ARMC2: variants seen among roughly 807,000 people sequenced by gnomAD.
The protein encoded by ARMC2 is armadillo repeat-containing protein 2.
Under a neutral mutation model 90.3 loss-of-function variants are expected in ARMC2, and 67 were observed. The observed-to-expected ratio is 0.74, with a 90% confidence interval of 0.61 to 0.91. The LOEUF is 0.91. ARMC2 is among the 40% of genes least tolerant of loss of function. The pLI, the probability that ARMC2 is intolerant of heterozygous loss-of-function variation, is 0.00. For synonymous variants in ARMC2, 393 were observed against 393.0 expected (o/e 1.00, Z 0.00); for missense variants, 920 against 1,030.9 (o/e 0.89, Z 1.47).
intron 5 of ARMC2, among the ~76,000 whole-genome samples, chr6:108,882,332 G>A (rs777641637): frequency 2.6e-5 from 4 of 151,740 alleles, no homozygotes; most frequent in Non-Finnish European, 4.4e-5. Context: ...CCAGCTACTC[G>A]GGAGGTTGAG....
chr6:108,939,019 A>G (rs909767342), intron 12 of ARMC2, among the ~76,000 whole-genome samples: 2 of 152,026 alleles, frequency 1.3e-5, no homozygotes, highest in Non-Finnish European at 2.9e-5. Context: ...AGGTCTCACT[A>G]TGTTGCCCAG....
the ARMC2 span, chr6:108,998,489 A>G: frequency 3.1e-6 from 5 of 1,611,856 alleles, no homozygotes; most frequent in Non-Finnish European, 4.2e-6. Flanking sequence ...GTTTTATGAC[A>G]ATCTCATGAC....
At chr6:109,001,494 T>TA in the ARMC2 span, 13 of 1,607,722 alleles carry the variant, frequency 8.1e-6, no homozygotes, top group Non-Finnish European at 9.4e-6. Context: ...AGGATCTGTA[T>TA]AAATGAGAAA....
rs534587047 is a variant in ARMC2 at position 108,918,725 on chromosome 6, C to T, written c.1350+6167C>T. On this transcript the variant is annotated intron_variant, in intron 10 of 17. Transcript: ENST00000392644. ...TGAGCCCACTTTACCCTCTGAGCCT[C>T]AGTTTCCTGTCTCTAAAGTGCTGAC... Among the ~76,000 whole-genome samples, 13 of 152,326 alleles carry T rather than the reference C, an allele frequency of 8.5e-5. No homozygotes were observed. The South Asian group carries it at 2.5e-3, about 29-fold the overall frequency.
At chr6:108,965,998 T>C (rs1778342100) in intron 17 of ARMC2, among the ~76,000 whole-genome samples, 1 of 150,066 alleles carries the variant, frequency 6.7e-6, no homozygotes, top group South Asian at 2.2e-4. Flanking sequence ...TTTAGGATAA[T>C]TTTTTTCTTC....
chr6:108,937,900 G>A (rs1776089330), intron 12 of ARMC2, among the ~76,000 whole-genome samples: 1 of 151,850 alleles, frequency 6.6e-6, no homozygotes, highest in South Asian at 2.1e-4. Context: ...GTTTCACCGT[G>A]TTAGCCAGGA....
intron 12 of ARMC2, among the ~76,000 whole-genome samples, chr6:108,946,896 A>G (rs1776844504): frequency 6.6e-6 from 1 of 152,130 alleles, no homozygotes; most frequent in South Asian, 2.1e-4. Context: ...AGGGTGTGGG[A>G]GTCGGGGAGG....
At chr6:108,862,681 G>GAT (rs1336937331) in intron 3 of ARMC2, among the ~76,000 whole-genome samples, 1 of 152,134 alleles carries the variant, frequency 6.6e-6, no homozygotes, top group Non-Finnish European at 1.5e-5. Flanking sequence ...GAGAGAAGGA[G>GAT]ATAACTGGAG....
At chr6:109,021,278 G>T in the ARMC2 span, among the ~76,000 whole-genome samples, 2 of 152,070 alleles carry the variant, frequency 1.3e-5, no homozygotes, top group African/African-American at 4.8e-5. Flanking sequence ...CCACCTTGCC[G>T]AGCCCACCAT....
chr6:108,938,599 C>CTTTTTTTTTTTTTTTTT (rs4027582), intron 12 of ARMC2, among the ~76,000 whole-genome samples: 1 of 83,104 alleles, frequency 1.2e-5, no homozygotes, highest in African/African-American at 4.5e-5. Context: ...CCATTACTAC[C>CTTTTTTTTTTTTTTTTT]TTTTTTTTTT....
At chr6:108,988,698 A>G in the ARMC2 span, 17 of 1,584,916 alleles carry the variant, frequency 1.1e-5, no homozygotes, top group South Asian at 1.8e-4. Flanking sequence ...CTGTTGAAAG[A>G]CATAATGAGA....
chr6:109,002,439 G>C, the ARMC2 span: 2 of 918,480 alleles, frequency 2.2e-6, no homozygotes, highest in Non-Finnish European at 3.5e-6. Context: ...GTCGAACAGA[G>C]ACAGGCTTGT....
intron 1 of ARMC2, 48 bp from the exon 2 acceptor site, chr6:108,854,177 A>G (rs2128414478): frequency 9.8e-7 from 1 of 1,016,988 alleles, no homozygotes; most frequent in Non-Finnish European, 1.4e-6. Context: ...TCGTTTTTAT[A>G]AAGTCCTGGA....
At chr6:108,996,326 A>G in the ARMC2 span, among the ~76,000 whole-genome samples, 1 of 152,196 alleles carries the variant, frequency 6.6e-6, no homozygotes, top group East Asian at 1.9e-4. Context: ...TGTTTCTATG[A>G]CGATACTGAA....
At chr6:108,900,631 T>C (rs190766296) in intron 7 of ARMC2, among the ~76,000 whole-genome samples, 1 of 152,266 alleles carries the variant, frequency 6.6e-6, no homozygotes, top group East Asian at 1.9e-4. Flanking sequence ...GCAAAAGACC[T>C]GATTACTGAA....
intron 13 of ARMC2, among the ~76,000 whole-genome samples, chr6:108,955,903 G>A (rs1273371782): frequency 6.6e-6 from 1 of 152,184 alleles, no homozygotes; most frequent in Non-Finnish European, 1.5e-5. Context: ...AATCAGCTGT[G>A]GGACTCTTTA....
chr6:108,921,744 C>T (rs1183204711), intron 10 of ARMC2, among the ~76,000 whole-genome samples: 1 of 152,174 alleles, frequency 6.6e-6, no homozygotes, highest in African/African-American at 2.4e-5. Flanking sequence ...TGGCTTTAGT[C>T]ATAAATCATT....
chr6:109,011,642 T>G, the ARMC2 span, among the ~76,000 whole-genome samples: 1 of 151,294 alleles, frequency 6.6e-6, no homozygotes, highest in Non-Finnish European at 1.5e-5. Context: ...CTTTTTTTTT[T>G]TTTTTGAGAC....
chr6:109,011,234 T>A, the ARMC2 span, among the ~76,000 whole-genome samples: 2 of 152,260 alleles, frequency 1.3e-5, no homozygotes, highest in South Asian at 4.1e-4. Flanking sequence ...GCTAACTGCA[T>A]GCATATAGTA....
Sources: gnomAD v4.1 joint callset for allele counts (sites outside exome capture counted in the v4.1 genomes callset) on GRCh38, gnomAD v4.1.1 for gene constraint, MANE v1.5 for transcripts, NCBI Gene and HGNC (gene_info 2026-07-23, HGNC 2026-07-21) for gene names.